KIF4A: variants seen among roughly 807,000 people sequenced by gnomAD.
The protein encoded by KIF4A is chromosome-associated kinesin KIF4A.
A neutral mutation model predicts 105.9 loss-of-function variants in KIF4A; 7 were observed. The observed-to-expected ratio is 0.07, with a 90% confidence interval of 0.04 to 0.12. The LOEUF (loss-of-function observed/expected upper bound fraction) is 0.12, where lower values mean the gene tolerates loss of function less well. KIF4A is among the 10% of genes least tolerant of loss of function. The pLI, the probability that KIF4A is intolerant of heterozygous loss-of-function variation, is 1.00. For synonymous variants in KIF4A, 281 were observed against 331.3 expected (o/e 0.85, Z 1.65); for missense variants, 558 against 929.2 (o/e 0.60, Z 5.19).
At chrX:70,391,470 G>T in intron 20 of KIF4A, among the ~76,000 whole-genome samples, 1 of 111,631 alleles carries the variant, frequency 9.0e-6, no homozygotes, top group East Asian at 2.8e-4. Context: ...CTGATCTTAG[G>T]GGGAAAGCAT....
intron 5 of KIF4A, among the ~76,000 whole-genome samples, chrX:70,300,865 G>A (rs2085802092): frequency 1.8e-5 from 2 of 111,903 alleles, no homozygotes; most frequent in Non-Finnish European, 3.8e-5. Context: ...TCTAGCACAG[G>A]GCTTAGTAGG....
chrX:70,310,945 GT>G (rs1396717710), intron 7 of KIF4A, among the ~76,000 whole-genome samples: 2 of 109,975 alleles, frequency 1.8e-5, no homozygotes, highest in Non-Finnish European at 1.9e-5. Context: ...GAGCAATATA[GT>G]AAGATCACTG....
At position 70,343,931 on chromosome X, in the gene KIF4A, A is replaced by C. The variant is rs1420564908; in HGVS notation, c.1380A>C (p.Lys460Asn). 8.3e-7 allele frequency: 1 copy of C among 1,210,538 alleles called. No homozygotes were observed. Residue 460 changes from lysine to asparagine, a missense_variant, in exon 13 of 31, where the codon AAA becomes AAC. This residue lies in a region of KIF4A where 469 missense variants were observed against 680.4 expected (regional missense o/e 0.69). Transcript: ENST00000374403. ...AGACTTTGGAAGACCAGGAATTGAA[A>C]GAAAATGTAGAGATAATTTGTAACC... ...LVETLEDQEL[K>N]ENVEIICNLQ... is the part of the protein sequence containing the mutation.
intron 10 of KIF4A, among the ~76,000 whole-genome samples, chrX:70,339,127 T>G (rs962529675): frequency 1.8e-5 from 2 of 110,774 alleles, no homozygotes; most frequent in African/African-American, 6.5e-5. Flanking sequence ...ACCCATGTTT[T>G]CTTCTAGTAA....
intron 20 of KIF4A, among the ~76,000 whole-genome samples, chrX:70,392,789 TA>T (rs747084313): frequency 9.3e-6 from 1 of 107,465 alleles, no homozygotes. Context: ...TTTACCACAA[TA>T]AAAAAATTCA....
intron 20 of KIF4A, among the ~76,000 whole-genome samples, chrX:70,389,503 G>A (rs928248369): frequency 8.9e-6 from 1 of 112,614 alleles, no homozygotes; most frequent in African/African-American, 3.2e-5. Context: ...GGGAGGCAGA[G>A]GTTGCAGTGA....
At chrX:70,333,775 C>T (rs2085940379) in intron 10 of KIF4A, 86 bp downstream of exon 10, 1 of 659,610 alleles carries the variant, frequency 1.5e-6, no homozygotes, top group Non-Finnish European at 2.4e-6. Context: ...TCTGCTAGCA[C>T]TTGGTGTCAC....
chrX:70,327,920 A>G (rs929607334), intron 7 of KIF4A, among the ~76,000 whole-genome samples: 2 of 111,733 alleles, frequency 1.8e-5, no homozygotes, highest in Non-Finnish European at 3.8e-5. Context: ...GAAATTTTCA[A>G]CCATAGGGTT....
chrX:70,393,799 CTCTTTCTTTCTTTCTT>C (rs1226256913), intron 20 of KIF4A, among the ~76,000 whole-genome samples: 160 of 58,552 alleles, frequency 2.7e-3, no homozygotes, highest in African/African-American at 8.2e-3. Context: ...CTTTTCTTTT[CTCTTTCTTTCTTTCTT>C]TCTTTCTTTC....
intron 28 of KIF4A, among the ~76,000 whole-genome samples, chrX:70,408,206 C>T (rs982018789): frequency 9.0e-5 from 10 of 111,618 alleles, no homozygotes; most frequent in African/African-American, 2.9e-4. Flanking sequence ...TATTCTGACT[C>T]CAAGTCCAGT....
At chrX:70,315,495 A>G (rs961214546) in intron 7 of KIF4A, among the ~76,000 whole-genome samples, 1 of 110,820 alleles carries the variant, frequency 9.0e-6, no homozygotes, top group Non-Finnish European at 1.9e-5. Flanking sequence ...TCATTCAGCA[A>G]CTCTATTCAT....
chrX:70,308,076 T>C (rs1210123796), intron 7 of KIF4A, among the ~76,000 whole-genome samples: 1 of 112,100 alleles, frequency 8.9e-6, no homozygotes, highest in Non-Finnish European at 1.9e-5. Flanking sequence ...TTTAGGTCTT[T>C]CCTGAGCATG....
intron 20 of KIF4A, among the ~76,000 whole-genome samples, chrX:70,392,524 G>A (rs745754574): frequency 4.5e-5 from 5 of 110,602 alleles, no homozygotes; most frequent in Middle Eastern, 4.6e-3. Flanking sequence ...AGCCAGGTGC[G>A]ATTGTTTATG....
intron 15 of KIF4A, among the ~76,000 whole-genome samples, chrX:70,373,804 GTA>G (rs1299641758): frequency 1.4e-4 from 8 of 55,729 alleles, no homozygotes; most frequent in South Asian, 2.2e-3. Context: ...ACACATATAC[GTA>G]TATATATATA....
At chrX:70,373,376 AAAAG>A (rs1344380052) in intron 15 of KIF4A, among the ~76,000 whole-genome samples, 7 of 96,521 alleles carry the variant, frequency 7.3e-5, no homozygotes, top group East Asian at 3.4e-4. Context: ...AGAAAAGAAA[AAAAG>A]AAAGAAAATA....
chrX:70,419,080 A>C (rs1011012846), intron 29 of KIF4A, among the ~76,000 whole-genome samples: 1 of 105,063 alleles, frequency 9.5e-6, no homozygotes, highest in Admixed American at 1.0e-4. Flanking sequence ...GCGAGACTCC[A>C]TCTCAAAAAA....
chrX:70,336,508 C>T (rs985789729), intron 10 of KIF4A, among the ~76,000 whole-genome samples: 1 of 111,693 alleles, frequency 9.0e-6, no homozygotes, highest in Admixed American at 9.5e-5. Flanking sequence ...CCCACAGCCT[C>T]ACTAATGGAA....
intron 7 of KIF4A, among the ~76,000 whole-genome samples, chrX:70,311,093 C>T (rs1244824912): frequency 9.3e-6 from 1 of 107,088 alleles, no homozygotes; most frequent in African/African-American, 3.4e-5. Context: ...CCACAGCACT[C>T]CAGCCTGGGT....
intron 22 of KIF4A, among the ~76,000 whole-genome samples, chrX:70,397,409 A>C (rs748968932): frequency 9.0e-6 from 1 of 111,464 alleles, no homozygotes; most frequent in Non-Finnish European, 1.9e-5. Context: ...AAGGAAAGGA[A>C]AGGAAGGAAA....
Sources: gnomAD v4.1 joint callset for allele counts (sites outside exome capture counted in the v4.1 genomes callset) on GRCh38, gnomAD v4.1.1 for gene constraint, gnomAD v4.1.1 regional missense constraint, MANE v1.5 for transcripts, NCBI Gene and HGNC (gene_info 2026-07-23, HGNC 2026-07-21) for gene names.